Variants in PTPRO observed in about 807,000 individuals in gnomAD.
The protein encoded by PTPRO is protein tyrosine phosphatase receptor type O, also known as receptor-type tyrosine-protein phosphatase O.
Under a neutral mutation model 145.2 loss-of-function variants are expected in PTPRO, and 62 were observed. The observed-to-expected ratio is 0.43, with a 90% confidence interval of 0.35 to 0.53. PTPRO has a LOEUF of 0.53. Among genes scored for constraint, PTPRO ranks in the 20% least tolerant of loss-of-function variants. The pLI, the probability that PTPRO is intolerant of heterozygous loss-of-function variation, is 0.01. For synonymous variants in PTPRO, 565 were observed against 514.7 expected (o/e 1.10, Z -1.32); for missense variants, 1,345 against 1,482.7 (o/e 0.91, Z 1.53).
chr12:15,549,048 A>G, intron 13 of PTPRO, 46 bp from the exon 14 acceptor site: 5 of 1,584,790 alleles, frequency 3.2e-6, no homozygotes, highest in Non-Finnish European at 3.5e-6. Context: ...TTTAAAAAAT[A>G]TAGATGAAGT....
At chr12:15,325,742 C>T (rs1257774339) in intron 1 of PTPRO, among the ~76,000 whole-genome samples, 1 of 152,134 alleles carries the variant, frequency 6.6e-6, no homozygotes, top group Non-Finnish European at 1.5e-5. Context: ...AAATGTCTTC[C>T]TGTATCAGTT....
At chr12:15,342,131 T>A (rs903020834) in intron 1 of PTPRO, among the ~76,000 whole-genome samples, 1 of 152,240 alleles carries the variant, frequency 6.6e-6, no homozygotes, top group Non-Finnish European at 1.5e-5. Context: ...TACTTTCTTT[T>A]TCTTTTTATA....
intron 1 of PTPRO, among the ~76,000 whole-genome samples, chr12:15,356,995 G>A (rs943180987): frequency 6.6e-6 from 1 of 152,038 alleles, no homozygotes; most frequent in Non-Finnish European, 1.5e-5. Flanking sequence ...ATCCCTGCAC[G>A]CAGCCACTGT....
At chr12:15,515,408 CAA>C (rs1379854357) in intron 7 of PTPRO, 88 bp from the exon 8 acceptor site, 1 of 1,538,416 alleles carries the variant, frequency 6.5e-7, no homozygotes, top group Non-Finnish European at 9.0e-7. Context: ...TCTGTGATTC[CAA>C]AAAGAGTCTC....
chr12:15,363,165 T>G (rs955872850), intron 1 of PTPRO, among the ~76,000 whole-genome samples: 1 of 152,134 alleles, frequency 6.6e-6, no homozygotes, highest in African/African-American at 2.4e-5. Flanking sequence ...AGAGCTTAGT[T>G]TCTACATAGA....
At chr12:15,374,786 C>G (rs1938632181) in intron 1 of PTPRO, among the ~76,000 whole-genome samples, 1 of 152,114 alleles carries the variant, frequency 6.6e-6, no homozygotes, top group African/African-American at 2.4e-5. Flanking sequence ...AAAGGAAGAC[C>G]TGCCAATGAG....
chr12:15,358,880 T>C (rs527287575), intron 1 of PTPRO, among the ~76,000 whole-genome samples: 1 of 152,384 alleles, frequency 6.6e-6, no homozygotes, highest in Admixed American at 6.5e-5. Flanking sequence ...CTAAGGATTC[T>C]AAGCACAGTG....
At chr12:15,517,457 T>C (rs890576793) in intron 9 of PTPRO, among the ~76,000 whole-genome samples, 1 of 152,142 alleles carries the variant, frequency 6.6e-6, no homozygotes, top group Admixed American at 6.6e-5. Context: ...AAATCTCATG[T>C]CCTCACATTT....
rs570561877 is a variant in PTPRO, at chr12:15,549,245, G to GAAATCTGGTCTTTGGAAGTTCTTTCCA, written c.2437+19_2437+20insAAATCTGGTCTTTGGAAGTTCTTTCCA. 33 of 1,558,236 alleles carry GAAATCTGGTCTTTGGAAGTTCTTTCCA rather than the reference G, an allele frequency of 2.1e-5. No homozygotes were observed. The African/African-American group carries it at 3.3e-4, about 16-fold the overall frequency. On this transcript the variant is annotated intron_variant, in intron 14 of 26. Coordinates refer to ENST00000281171, the MANE Select transcript of PTPRO (RefSeq NM_030667.3). ...ACAATGGGTAATTATACACATTAGT[G>GAAATCTGGTCTTTGGAAGTTCTTTCCA]TATAATTTTCTCACTTTTTTTGAAT...
chr12:15,527,160 C>T (rs1942857236), intron 12 of PTPRO, among the ~76,000 whole-genome samples: 1 of 152,122 alleles, frequency 6.6e-6, no homozygotes, highest in African/African-American at 2.4e-5. Flanking sequence ...CAGCAACAAC[C>T]CAGAACTCAA....
chr12:15,501,720 A>T lies in PTPRO; in HGVS notation c.762A>T (p.Arg254Ser), dbSNP rs368434218. The change falls in exon 5 of 27, where the codon AGA becomes AGT. Residue 254 changes from arginine to serine, a missense_variant. Physicochemically the swap from Arg to Ser is moderately radical, Grantham distance 110 (BLOSUM62 -1). Coordinates refer to ENST00000281171, the MANE Select transcript of PTPRO (RefSeq NM_030667.3). ...ATTTCCCAGAAGAATCCTTCATGAG[A>T]TCACAAGATACAATAGGAAAAGAAA... ...SGNFPEESFM[R>S]SQDTIGKEKL... 3.7e-6 allele frequency: 6 copies of T among 1,613,856 alleles called. No homozygotes were observed. In the South Asian group the frequency reaches 5.5e-5, roughly 15 times the overall value.
chr12:15,419,801 T>A (rs1396294491), intron 1 of PTPRO, among the ~76,000 whole-genome samples: 6 of 151,352 alleles, frequency 4.0e-5, no homozygotes, highest in Non-Finnish European at 8.8e-5. Context: ...GATTACTAGA[T>A]GTACATTCAA....
rs1383227678 is a variant in PTPRO, at chr12:15,516,922, A to C, written c.1745A>C (p.Glu582Ala). Reference sequence around the variant, plus strand: ...ACATCAGAGTGGACCACCTACTATGAAATAGCAGCAACTGTTTCCTTAACT... The same window carrying C: ...ACATCAGAGTGGACCACCTACTATGCAATAGCAGCAACTGTTTCCTTAACT... The part of the protein sequence containing the change: ...TMTSEWTTYY[E>A]IAATVSLTAS... The change falls in exon 9 of 27, where the codon GAA becomes GCA. Residue 582 changes from glutamate to alanine, a missense_variant. This residue lies in a region of PTPRO where 1,130 missense variants were observed against 1,214.7 expected (regional missense o/e 0.93). Coordinates refer to ENST00000281171, the MANE Select transcript of PTPRO (RefSeq NM_030667.3). The C allele has an allele frequency of 1.2e-6, 2 of 1,614,018 alleles. No individual in the cohort carries two copies. The highest frequency in any genetic ancestry group is 2.2e-5 in the South Asian group (2 of 91,086).
chr12:15,381,290 T>C (rs1240794919), intron 1 of PTPRO, among the ~76,000 whole-genome samples: 1 of 152,214 alleles, frequency 6.6e-6, no homozygotes, highest in Non-Finnish European at 1.5e-5. Flanking sequence ...AGATAGGATA[T>C]GTTTTAAATT....
chr12:15,501,419 G>A (rs1942218422), intron 4 of PTPRO, among the ~76,000 whole-genome samples: 1 of 152,132 alleles, frequency 6.6e-6, no homozygotes, highest in African/African-American at 2.4e-5. Flanking sequence ...ATGTTGATAG[G>A]TATACATCAT....
intron 1 of PTPRO, among the ~76,000 whole-genome samples, chr12:15,386,752 A>G (rs532106157): frequency 3.9e-5 from 6 of 152,264 alleles, no homozygotes; most frequent in African/African-American, 1.4e-4. Context: ...TTTTTATCAG[A>G]ATTGTGGAAT....
intron 18 of PTPRO, 114 bp downstream of exon 18, chr12:15,565,742 C>CAT: frequency 1.3e-6 from 1 of 778,102 alleles, no homozygotes; most frequent in Non-Finnish European, 2.2e-6. Flanking sequence ...GAGGCAAATG[C>CAT]ATATTACAAT....
intron 6 of PTPRO, among the ~76,000 whole-genome samples, chr12:15,505,504 TTAAAGAGA>T (rs1942303382): frequency 6.6e-6 from 1 of 152,218 alleles, no homozygotes; most frequent in African/African-American, 2.4e-5. Flanking sequence ...TGCAATTACT[TTAAAGAGA>T]TGCATCTTAA....
chr12:15,396,085 A>G (rs571102173), intron 1 of PTPRO, among the ~76,000 whole-genome samples: 1 of 152,222 alleles, frequency 6.6e-6, no homozygotes, highest in Non-Finnish European at 1.5e-5. Flanking sequence ...AGAAGATCCC[A>G]TATTCTATAG....
Sources: allele counts gnomAD v4.1 joint callset (sites outside exome capture counted in the v4.1 genomes callset), GRCh38; gene constraint gnomAD v4.1.1; regional missense constraint gnomAD v4.1.1; transcripts MANE v1.5; gene names NCBI Gene and HGNC (gene_info 2026-07-23, HGNC 2026-07-21).